RASEF: variants seen among roughly 807,000 people sequenced by gnomAD.
The protein encoded by RASEF is ras and EF-hand domain-containing protein.
RASEF carries 68 observed loss-of-function variants against 90.1 expected under a neutral mutation model. That is an observed-to-expected ratio of 0.75 (90% CI 0.62 to 0.92). RASEF has a LOEUF of 0.92. RASEF is among the 40% of genes least tolerant of loss of function. The probability of loss-of-function intolerance (pLI) is 0.00; values close to 1 mark genes in which losing one functional copy is unlikely to be tolerated. For missense variants in RASEF, 949 were observed against 937.2 expected (o/e 1.01, Z -0.16); for synonymous variants, 331 against 345.2 (o/e 0.96, Z 0.46).
At chr9:83,082,416 T>A in the RASEF span, among the ~76,000 whole-genome samples, 2 of 152,200 alleles carry the variant, frequency 1.3e-5, no homozygotes, top group East Asian at 3.9e-4. Flanking sequence ...TCCTTTTATC[T>A]CAGCAGATGA....
the RASEF span, among the ~76,000 whole-genome samples, chr9:83,206,242 T>A: frequency 6.6e-6 from 1 of 152,184 alleles, no homozygotes; most frequent in South Asian, 2.1e-4. Context: ...TTCGTTAAGA[T>A]CTAGCAAAGT....
At chr9:83,190,563 T>C in the RASEF span, among the ~76,000 whole-genome samples, 2 of 152,260 alleles carry the variant, frequency 1.3e-5, no homozygotes, top group Non-Finnish European at 2.9e-5. Context: ...CTCAATATTT[T>C]TACTTTATGA....
At chr9:83,009,258 A>G (rs993974131) in intron 6 of RASEF, among the ~76,000 whole-genome samples, 2 of 152,026 alleles carry the variant, frequency 1.3e-5, no homozygotes, top group African/African-American at 4.8e-5. Context: ...TGGTATTAAC[A>G]CCATACTGCA....
At chr9:83,180,068 C>G in the RASEF span, among the ~76,000 whole-genome samples, 1 of 152,054 alleles carries the variant, frequency 6.6e-6, no homozygotes, top group Admixed American at 6.6e-5. Flanking sequence ...ATGAAAATCC[C>G]TTTTCACTAT....
chr9:83,202,400 A>G, the RASEF span, among the ~76,000 whole-genome samples: 1 of 152,354 alleles, frequency 6.6e-6, no homozygotes, highest in South Asian at 2.1e-4. Flanking sequence ...TTTAACTACA[A>G]CTAACACACA....
At chr9:83,099,676 T>A in the RASEF span, among the ~76,000 whole-genome samples, 2 of 152,232 alleles carry the variant, frequency 1.3e-5, no homozygotes, top group Non-Finnish European at 1.5e-5. Flanking sequence ...CTCAGTCTAG[T>A]CCTCAGCACA....
chr9:83,055,541 G>A, intron 1 of RASEF: 1 of 713,932 alleles, frequency 1.4e-6, no homozygotes, highest in East Asian at 2.7e-5. Flanking sequence ...GACCGGAGCT[G>A]TTCCTATTCG....
Position 83,020,504 on chromosome 9 carries a change from C to T in RASEF, c.669+1832G>A, listed in dbSNP as rs78891193. Among the ~76,000 whole-genome samples, 1,099 of 152,280 alleles carry T rather than the reference C, an allele frequency of 7.2e-3. 13 individuals are homozygous for T. Among genetic ancestry groups the T allele is most frequent in the African/African-American group, 0.025 (1,040 of 41,562 alleles). On this transcript the variant is annotated intron_variant, in intron 3 of 16. Coordinates refer to ENST00000376447, the MANE Select transcript of RASEF (RefSeq NM_152573.4). ...GGATGGACAGGCAAACAAGTTTCCT[C>T]GCAGTGCCAAAGCTGCTCAGCTGGC...
the RASEF span, among the ~76,000 whole-genome samples, chr9:83,183,469 G>A: frequency 6.6e-6 from 1 of 152,106 alleles, no homozygotes; most frequent in Non-Finnish European, 1.5e-5. Flanking sequence ...TAGACATGGA[G>A]TAAGCAAGGC....
At chr9:83,123,904 A>C in the RASEF span, among the ~76,000 whole-genome samples, 1 of 138,282 alleles carries the variant, frequency 7.2e-6, no homozygotes, top group Admixed American at 6.9e-5. Flanking sequence ...ACCACCATCC[A>C]TCTCCAGAAG....
chr9:83,015,715 A>G, intron 4 of RASEF, 90 bp downstream of exon 4: 1 of 930,328 alleles, frequency 1.1e-6, no homozygotes, highest in East Asian at 2.4e-5. Flanking sequence ...CCGCCACTTC[A>G]ATAGGATTCC....
At position 83,063,077 on chromosome 9, in the gene RASEF, A is replaced by G. The variant is rs1236215645; in HGVS notation, c.-210T>C. 1.9e-6 allele frequency: 1 copy of G among 525,798 alleles called. No homozygotes were observed. The highest frequency in any genetic ancestry group is 3.2e-6 in the Non-Finnish European group (1 of 315,656). The allele number at this position is 525,798 out of a possible 1,614,324, so 32.6% of individuals were successfully genotyped here. A position where few individuals can be genotyped will look rare whatever the true frequency, so the allele number is the denominator to read the frequency against. On this transcript the variant is annotated 5_prime_UTR_variant, in exon 1 of 17. Transcript: ENST00000376447. ...CGACGACGGTTCGGGCCAGCCCCCA[A>G]CAGGTCCCGGGAGCGGTGGGGTGCG...
the RASEF span, among the ~76,000 whole-genome samples, chr9:83,104,610 A>C: frequency 3.3e-5 from 5 of 151,846 alleles, no homozygotes; most frequent in Non-Finnish European, 7.4e-5. Context: ...ACTACAAAGA[A>C]TGATTTCCTT....
chr9:83,042,041 G>A (rs1025395523), intron 1 of RASEF, among the ~76,000 whole-genome samples: 2 of 152,152 alleles, frequency 1.3e-5, no homozygotes, highest in African/African-American at 4.8e-5. Flanking sequence ...TCAGTAAGCT[G>A]TATATTTACA....
intron 7 of RASEF, 94 bp from the exon 8 acceptor site, chr9:83,005,594 T>G: frequency 1.1e-6 from 1 of 925,534 alleles, no homozygotes; most frequent in Non-Finnish European, 1.8e-6. Flanking sequence ...ACATTCAGAA[T>G]GTGGAATAGC....
the RASEF span, among the ~76,000 whole-genome samples, chr9:83,128,463 C>CTTTTTT: frequency 7.6e-6 from 1 of 132,428 alleles, no homozygotes; most frequent in Non-Finnish European, 1.6e-5. Context: ...TTGTTTTAGC[C>CTTTTTT]TTTTTTTTTT....
chr9:83,109,191 T>C, the RASEF span, among the ~76,000 whole-genome samples: 1 of 152,224 alleles, frequency 6.6e-6, no homozygotes, highest in Admixed American at 6.5e-5. Flanking sequence ...TGCATCTATT[T>C]AGCCCCCGTG....
the RASEF span, among the ~76,000 whole-genome samples, chr9:83,072,606 C>G: frequency 2.0e-5 from 3 of 152,266 alleles, no homozygotes; most frequent in South Asian, 4.1e-4. Context: ...GAGCCCCTGG[C>G]AAACCACTAG....
the RASEF span, among the ~76,000 whole-genome samples, chr9:83,101,762 C>T: frequency 2.6e-5 from 4 of 152,156 alleles, no homozygotes; most frequent in Non-Finnish European, 5.9e-5. Flanking sequence ...TAAGTTCTTG[C>T]TACATTTTCA....
Sources: gnomAD v4.1 joint callset for allele counts (sites outside exome capture counted in the v4.1 genomes callset) on GRCh38, gnomAD v4.1.1 for gene constraint, MANE v1.5 for transcripts, NCBI Gene and HGNC (gene_info 2026-07-23, HGNC 2026-07-21) for gene names.